The following KIAA1217 variants were observed in gnomAD, a reference collection of about 807,000 sequenced individuals.
KIAA1217 encodes sickle tail protein homolog.
A neutral mutation model predicts 163.9 loss-of-function variants in KIAA1217; 88 were observed. The ratio of observed to expected loss-of-function variants is 0.54; its 90% CI spans 0.45 to 0.64. The LOEUF (loss-of-function observed/expected upper bound fraction) is 0.64, where lower values mean the gene tolerates loss of function less well. Among genes scored for constraint, KIAA1217 ranks in the 30% least tolerant of loss-of-function variants. The pLI is 0.00. For missense variants in KIAA1217, 2,372 were observed against 2,475.0 expected (o/e 0.96, Z 0.88); for synonymous variants, 903 against 923.1 (o/e 0.98, Z 0.39).
intron 2 of KIAA1217, among the ~76,000 whole-genome samples, chr10:24,151,580 C>G (rs375812577): frequency 6.6e-6 from 1 of 150,600 alleles, no homozygotes; most frequent in Non-Finnish European, 1.5e-5. Flanking sequence ...AGAGTTGATG[C>G]GTAAGAATTC....
intron 2 of KIAA1217, among the ~76,000 whole-genome samples, chr10:24,113,043 G>A (rs2062917181): frequency 6.6e-6 from 1 of 152,110 alleles, no homozygotes; most frequent in African/African-American, 2.4e-5. Context: ...CCAGCCTCCA[G>A]GAGGAACCTA....
Position 24,136,961 on chromosome 10 carries a change from C to T in KIAA1217, c.-170-82665C>T, listed in dbSNP as rs143742739. ...ATTGAGAAGATTTTTGTTTAATATA[C>T]AATATACTCTGGCATCAGGGTCCAA... On this transcript the variant is annotated intron_variant, in intron 2 of 18. Coordinates refer to the KIAA1217 transcript ENST00000376462. 7.4e-4 allele frequency among the ~76,000 whole-genome samples: 112 copies of T among 152,240 alleles called. 2 individuals carry two copies. Among genetic ancestry groups the T allele is most frequent in the African/African-American group, 2.6e-3 (107 of 41,544 alleles).
chr10:24,509,845 A>C (rs1371755629), intron 9 of KIAA1217, among the ~76,000 whole-genome samples: 1 of 152,340 alleles, frequency 6.6e-6, no homozygotes, highest in Admixed American at 6.5e-5. Context: ...GTTATTAAGA[A>C]AATCATAAGA....
chr10:24,185,600 GC>G (rs1182067815), intron 2 of KIAA1217, among the ~76,000 whole-genome samples: 1 of 152,034 alleles, frequency 6.6e-6, no homozygotes, highest in Non-Finnish European at 1.5e-5. Context: ...TGCGAGACCA[GC>G]CTGGCCAACA....
intron 2 of KIAA1217, among the ~76,000 whole-genome samples, chr10:24,045,946 T>A (rs906587697): frequency 6.6e-6 from 1 of 152,090 alleles, no homozygotes; most frequent in Non-Finnish European, 1.5e-5. Flanking sequence ...ACCCACCAAA[T>A]GGAAAGTGAA....
At chr10:23,857,825 A>G (rs1839767916) in intron 1 of KIAA1217, among the ~76,000 whole-genome samples, 1 of 152,198 alleles carries the variant, frequency 6.6e-6, no homozygotes, top group African/African-American at 2.4e-5. Context: ...ATGTATGTTC[A>G]TATATATGTA....
At chr10:24,301,060 G>A (rs536599230) in intron 2 of KIAA1217, among the ~76,000 whole-genome samples, 8 of 152,194 alleles carry the variant, frequency 5.3e-5, no homozygotes, top group East Asian at 1.9e-4. Flanking sequence ...TGATCCACCC[G>A]CCTCAGCCTC....
intron 1 of KIAA1217, among the ~76,000 whole-genome samples, chr10:23,754,788 G>A (rs1833836602): frequency 6.6e-6 from 1 of 151,220 alleles, no homozygotes; most frequent in Non-Finnish European, 1.5e-5. Flanking sequence ...TTAATCTCTG[G>A]GCATCGCCTG....
At chr10:23,960,099 T>A (rs1408453847) in intron 1 of KIAA1217, among the ~76,000 whole-genome samples, 1 of 149,580 alleles carries the variant, frequency 6.7e-6, no homozygotes, top group Non-Finnish European at 1.5e-5. Flanking sequence ...GTATTTTTAG[T>A]AGAGATGGGG....
chr10:24,222,252 G>C (rs566573186), intron 2 of KIAA1217, among the ~76,000 whole-genome samples: 112 of 152,330 alleles, frequency 7.4e-4, no homozygotes, highest in African/African-American at 2.7e-3. Flanking sequence ...TGGCTGGCCA[G>C]CTGTCCCTTC....
At chr10:23,798,942 C>T (rs996585751) in intron 1 of KIAA1217, among the ~76,000 whole-genome samples, 1 of 152,206 alleles carries the variant, frequency 6.6e-6, no homozygotes, top group Non-Finnish European at 1.5e-5. Context: ...AATATATTGT[C>T]TCACATTTCT....
intron 2 of KIAA1217, among the ~76,000 whole-genome samples, chr10:24,081,304 G>A (rs2061530403): frequency 6.6e-6 from 1 of 152,324 alleles, no homozygotes; most frequent in African/African-American, 2.4e-5. Flanking sequence ...CTACGCTAAT[G>A]TCAAGCCTGC....
intron 1 of KIAA1217, among the ~76,000 whole-genome samples, chr10:23,920,283 A>G (rs1041938006): frequency 2.3e-4 from 35 of 152,352 alleles, no homozygotes; most frequent in Admixed American, 3.3e-4. Context: ...ATGGAGATCC[A>G]GCTTCAGAGG....
chr10:24,275,920 CTG>C lies in KIAA1217; in HGVS notation c.354+56013_354+56014del, dbSNP rs759333469. 447 of 418,448 alleles carry C rather than the reference CTG, an allele frequency of 1.1e-3. 2 individuals carry two copies. The highest frequency in any genetic ancestry group is 8.3e-4 in the Non-Finnish European group (173 of 209,212). The allele number at this position is 418,448 out of a possible 1,614,324, so 25.9% of individuals were successfully genotyped here. A position where few individuals can be genotyped will look rare whatever the true frequency, so the allele number is the denominator to read the frequency against. ...TCTGGTCCTGATATTCCTTTTTAAA[CTG>C]TCTTTCCATACCCCTCCCTCCAGTG... is the stretch of plus-strand genomic sequence containing the variant. On this transcript the variant is annotated intron_variant, in intron 2 of 20. Transcript: ENST00000376454.
chr10:24,376,178 G>C (rs556011818), intron 2 of KIAA1217, among the ~76,000 whole-genome samples: 1 of 152,178 alleles, frequency 6.6e-6, no homozygotes, highest in Non-Finnish European at 1.5e-5. Flanking sequence ...ACATAAATGC[G>C]GAAAGCCAGA....
intron 2 of KIAA1217, among the ~76,000 whole-genome samples, chr10:24,243,362 A>G (rs1488755496): frequency 6.6e-6 from 1 of 152,048 alleles, no homozygotes; most frequent in Admixed American, 6.6e-5. Flanking sequence ...TGCACCCATT[A>G]TTCAACTAGT....
chr10:24,319,752 GC>G lies in KIAA1217; in HGVS notation c.355-61116del, dbSNP rs149643694. Among the ~76,000 whole-genome samples, 4 of 152,308 alleles carry G rather than the reference GC, an allele frequency of 2.6e-5. No homozygotes were observed. In the East Asian group the frequency reaches 7.7e-4, roughly 29 times the overall value. The stretch of plus-strand genomic sequence containing the variant: ...CCCCAACAACTGGCCCTTGAAAGGA[GC>G]TTTTCACTGGTGGGGTGTGGCCCTG... On this transcript the variant is annotated intron_variant, in intron 2 of 20. Transcript: ENST00000376454.
At chr10:24,006,918 G>A (rs992281514) in intron 1 of KIAA1217, among the ~76,000 whole-genome samples, 17 of 151,986 alleles carry the variant, frequency 1.1e-4, no homozygotes, top group African/African-American at 2.7e-4. Flanking sequence ...ATTTCCTTCC[G>A]CCCCCAACTA....
At chr10:24,467,945 A>G (rs1434867319) in intron 5 of KIAA1217, among the ~76,000 whole-genome samples, 1 of 152,094 alleles carries the variant, frequency 6.6e-6, no homozygotes, top group East Asian at 1.9e-4. Flanking sequence ...CCATGTCTTT[A>G]CTCATTAGCC....
Sources: gnomAD v4.1 joint callset for allele counts (sites outside exome capture counted in the v4.1 genomes callset) on GRCh38, gnomAD v4.1.1 for gene constraint, MANE v1.5 for transcripts, NCBI Gene and HGNC (gene_info 2026-07-23, HGNC 2026-07-21) for gene names.